Variants in PPARGC1A observed in about 807,000 individuals in gnomAD.
PPARGC1A encodes PPARG coactivator 1 alpha, also known as peroxisome proliferator-activated receptor gamma coactivator 1-alpha.
A neutral mutation model predicts 88.7 loss-of-function variants in PPARGC1A; 25 were observed. The ratio of observed to expected loss-of-function variants is 0.28; its 90% CI spans 0.21 to 0.39. PPARGC1A has a LOEUF of 0.39. Among genes scored for constraint, PPARGC1A ranks in the 10% least tolerant of loss-of-function variants. The pLI, the probability that PPARGC1A is intolerant of heterozygous loss-of-function variation, is 1.00. For missense variants in PPARGC1A, 880 were observed against 968.7 expected (o/e 0.91, Z 1.22); for synonymous variants, 363 against 355.6 (o/e 1.02, Z -0.24).
In PPARGC1A at chr4:23,846,881, A is replaced by C. The variant is rs553260278; in HGVS notation, c.235-15130T>G. On this transcript the variant is annotated intron_variant, in intron 2 of 12. Coordinates refer to ENST00000264867, the MANE Select transcript of PPARGC1A (RefSeq NM_013261.5). ...TAAAGCCAAAATAGATTTAAAAATC[A>C]GGCTTATTTACAAAAACAGGGCACA... 7.2e-5 allele frequency among the ~76,000 whole-genome samples: 11 copies of C among 152,328 alleles called. No homozygotes were observed. The East Asian group carries it at 2.1e-3, about 29-fold the overall frequency.
the PPARGC1A span, among the ~76,000 whole-genome samples, chr4:24,462,325 G>T: frequency 6.7e-6 from 1 of 149,488 alleles, no homozygotes; most frequent in Non-Finnish European, 1.5e-5. Flanking sequence ...TCGAACTCCT[G>T]ACCTCAGGTG....
At chr4:24,144,775 T>C in the PPARGC1A span, among the ~76,000 whole-genome samples, 1 of 152,074 alleles carries the variant, frequency 6.6e-6, no homozygotes. Flanking sequence ...TCAGTGAGCA[T>C]CCCTAGAAAA....
At chr4:24,042,754 T>C in the PPARGC1A span, among the ~76,000 whole-genome samples, 9 of 152,216 alleles carry the variant, frequency 5.9e-5, no homozygotes, top group African/African-American at 2.2e-4. Flanking sequence ...ATATAGTGTA[T>C]ATAAATGCAT....
At chr4:24,304,001 A>T in the PPARGC1A span, among the ~76,000 whole-genome samples, 1 of 152,230 alleles carries the variant, frequency 6.6e-6, no homozygotes, top group South Asian at 2.1e-4. Context: ...AGTTTTATTG[A>T]CAAATCTTAA....
chr4:24,041,666 T>C, the PPARGC1A span, among the ~76,000 whole-genome samples: 1 of 151,764 alleles, frequency 6.6e-6, no homozygotes, highest in African/African-American at 2.4e-5. Context: ...TATATAGAGA[T>C]CATTCTCTGC....
At chr4:24,459,591 A>T in the PPARGC1A span, among the ~76,000 whole-genome samples, 1 of 152,130 alleles carries the variant, frequency 6.6e-6, no homozygotes, top group East Asian at 1.9e-4. Flanking sequence ...GGAGTTCGAG[A>T]CCAGCCTGGG....
intron 2 of PPARGC1A, among the ~76,000 whole-genome samples, chr4:23,864,911 C>T (rs895535424): frequency 9.2e-5 from 14 of 152,320 alleles, no homozygotes; most frequent in South Asian, 4.1e-4. Flanking sequence ...TGGCCAGGCA[C>T]GGTTGCTCAC....
At chr4:24,165,452 T>C in the PPARGC1A span, among the ~76,000 whole-genome samples, 6 of 152,202 alleles carry the variant, frequency 3.9e-5, no homozygotes, top group Non-Finnish European at 7.3e-5. Flanking sequence ...AATGACCTCA[T>C]TTTATACAGG....
chr4:23,820,818 T>C (rs1442633612), intron 7 of PPARGC1A, among the ~76,000 whole-genome samples: 1 of 152,106 alleles, frequency 6.6e-6, no homozygotes, highest in Non-Finnish European at 1.5e-5. Flanking sequence ...TTTTGTTGAC[T>C]CCTTACATTT....
chr4:24,306,115 G>A, the PPARGC1A span, among the ~76,000 whole-genome samples: 1 of 152,108 alleles, frequency 6.6e-6, no homozygotes, highest in Non-Finnish European at 1.5e-5. Context: ...AGCAGATTCC[G>A]GATGCACAAT....
At chr4:24,220,685 G>A in the PPARGC1A span, among the ~76,000 whole-genome samples, 752 of 152,270 alleles carry the variant, frequency 4.9e-3, no homozygotes, top group Admixed American at 9.0e-3. Context: ...GGTGCATAAG[G>A]ACAGAAAGAT....
chr4:24,428,338 C>T, the PPARGC1A span, among the ~76,000 whole-genome samples: 1 of 152,114 alleles, frequency 6.6e-6, no homozygotes, highest in East Asian at 1.9e-4. Context: ...AAGATTTCTT[C>T]TTTCCCTCTC....
chr4:24,214,303 A>G, the PPARGC1A span, among the ~76,000 whole-genome samples: 1 of 152,228 alleles, frequency 6.6e-6, no homozygotes, highest in Admixed American at 6.5e-5. Context: ...CTGGTAAAAC[A>G]AATGACATGC....
At chr4:24,104,485 G>A in the PPARGC1A span, among the ~76,000 whole-genome samples, 1 of 152,116 alleles carries the variant, frequency 6.6e-6, no homozygotes, top group Non-Finnish European at 1.5e-5. Flanking sequence ...TTTGTGATCT[G>A]CCAGGCACAG....
chr4:24,311,724 C>T, the PPARGC1A span, among the ~76,000 whole-genome samples: 1 of 151,280 alleles, frequency 6.6e-6, no homozygotes, highest in African/African-American at 2.4e-5. Context: ...ATTCGGTAAG[C>T]TGGAATATAG....
At chr4:24,017,769 A>G in the PPARGC1A span, among the ~76,000 whole-genome samples, 2 of 152,226 alleles carry the variant, frequency 1.3e-5, no homozygotes, top group East Asian at 3.8e-4. Flanking sequence ...CCTAGAAAAA[A>G]AACTTATTAT....
At chr4:24,032,500 G>A in the PPARGC1A span, among the ~76,000 whole-genome samples, 153 of 152,280 alleles carry the variant, frequency 1.0e-3, no homozygotes, top group African/African-American at 3.5e-3. Context: ...TACCAGCTGA[G>A]CCAGGACTGC....
At chr4:24,463,796 C>T in the PPARGC1A span, among the ~76,000 whole-genome samples, 3 of 152,172 alleles carry the variant, frequency 2.0e-5, no homozygotes, top group African/African-American at 7.2e-5. Flanking sequence ...AAAAAAAAGT[C>T]AATTCCTGCT....
the PPARGC1A span, among the ~76,000 whole-genome samples, chr4:24,052,449 C>G: frequency 1.3e-5 from 2 of 151,916 alleles, no homozygotes; most frequent in Non-Finnish European, 2.9e-5. Flanking sequence ...CCAGCCTGGC[C>G]AACATGGTGA....
Sources: allele counts gnomAD v4.1 joint callset (sites outside exome capture counted in the v4.1 genomes callset), GRCh38; gene constraint gnomAD v4.1.1; transcripts MANE v1.5; gene names NCBI Gene and HGNC (gene_info 2026-07-23, HGNC 2026-07-21).